The following KCNC1 variants were observed in gnomAD, a reference collection of about 807,000 sequenced individuals.
KCNC1 encodes the protein voltage-gated potassium channel KCNC1.
In KCNC1, 8 loss-of-function variants were observed where a neutral mutation model predicts 43.4. The ratio of observed to expected loss-of-function variants is 0.18; its 90% CI spans 0.11 to 0.33. KCNC1 has a LOEUF of 0.33. Ranked by LOEUF, KCNC1 falls within the 10% of genes least tolerant of loss-of-function variation. The pLI, the probability that KCNC1 is intolerant of heterozygous loss-of-function variation, is 1.00. For missense variants in KCNC1, 420 were observed against 836.0 expected (o/e 0.50, Z 6.14); for synonymous variants, 361 against 360.5 (o/e 1.00, Z -0.01).
chr11:17,742,332 G>T lies in KCNC1; in HGVS notation c.570+5760G>T, dbSNP rs573323154. 1.3e-5 allele frequency among the ~76,000 whole-genome samples: 2 copies of T among 152,176 alleles called. No individual in the cohort carries two copies. The highest frequency in any genetic ancestry group is 6.5e-5 in the Admixed American group (1 of 15,282). On this transcript the variant is annotated intron_variant, in intron 1 of 3. Coordinates refer to ENST00000265969, the MANE Select transcript of KCNC1 (RefSeq NM_001112741.2). This position sits in a 1 kb window ranked among gnomAD's most constrained non-coding sequence, Gnocchi z 4.2. ...GGGAGGTGGTGGTTGTCTCAGAGGT[G>T]GGGGAGGGGGTTCAGTGGGGGCTCA...
rs111919033 is a variant in KCNC1, at chr11:17,764,828, C to G, written c.571-6837C>G. ...CGGCCCAGCACACTGTGAGCATTCCCGGCCCGCGGAAGTCCAGATGAGGCT... is the reference window on the plus strand; with the variant it reads ...CGGCCCAGCACACTGTGAGCATTCCGGGCCCGCGGAAGTCCAGATGAGGCT... On this transcript the variant is annotated intron_variant, in intron 1 of 3. Transcript: ENST00000265969. Among the ~76,000 whole-genome samples the G allele has an allele frequency of 2.9e-3, 436 of 152,314 alleles. 2 individuals are homozygous for G. The highest frequency in any genetic ancestry group is 0.018 in the East Asian group (93 of 5,176).
Position 17,773,230 on chromosome 11 carries a change from A to T in KCNC1, c.1504+632A>T. The T allele has an allele frequency of 5.1e-6, 5 of 985,892 alleles. No homozygotes were observed. Among genetic ancestry groups the T allele is most frequent in the Non-Finnish European group, 6.0e-6 (5 of 830,356 alleles). 61.1% of individuals were successfully genotyped at this position (985,892 alleles called of 1,614,324 possible). ...GCCTGTAGCCCTCCGTGACAAGCTTACTTACCCCATAGCATGCTGAACCAA... is the reference window on the plus strand; with the variant it reads ...GCCTGTAGCCCTCCGTGACAAGCTTTCTTACCCCATAGCATGCTGAACCAA... On this transcript the variant is annotated intron_variant, in intron 2 of 3. Transcript: ENST00000265969. This position sits in a 1 kb window ranked among gnomAD's most constrained non-coding sequence, Gnocchi z 4.1.
intron 1 of KCNC1, among the ~76,000 whole-genome samples, chr11:17,740,857 G>A (rs1475758969): frequency 1.3e-5 from 2 of 152,108 alleles, no homozygotes; most frequent in Non-Finnish European, 2.9e-5. Context: ...TCAGCTCCCA[G>A]GGAAGGAAAT....
chr11:17,743,991 AG>A (rs1272413666), intron 1 of KCNC1, among the ~76,000 whole-genome samples: 2 of 152,088 alleles, frequency 1.3e-5, no homozygotes, highest in East Asian at 3.9e-4. Context: ...GGCTGGGGAC[AG>A]GCGGGCCCTC....
intron 1 of KCNC1, among the ~76,000 whole-genome samples, chr11:17,756,444 G>A (rs1755638504): frequency 6.6e-6 from 1 of 151,858 alleles, no homozygotes; most frequent in Admixed American, 6.6e-5. Flanking sequence ...GAGGGACACA[G>A]GTGGGCAGTC....
Position 17,772,500 on chromosome 11 carries a change from C to T in KCNC1, c.1406C>T (p.Pro469Leu). The change falls in exon 2 of 4, where the codon CCC becomes CTC. Residue 469 changes from proline (P) to leucine (L), a missense_variant. Around this residue, in one of 5 missense-constraint regions of KCNC1, gnomAD observed 147 missense variants for 176.1 expected, o/e 0.83. Transcript: ENST00000265969. ...HIPRPPQLGS[P>L]NYCKSVVNSP... ...CCGCGGCCACCGCAGCTGGGATCTC[C>T]CAATTATTGTAAATCTGTCGTAAAC... is the stretch of plus-strand genomic sequence containing the variant. 6.2e-7 allele frequency: 1 copy of T among 1,614,210 alleles called. No homozygotes were observed. Among genetic ancestry groups the T allele is most frequent in the African/African-American group, 1.3e-5 (1 of 75,040 alleles).
chr11:17,739,273 T>C lies in KCNC1; in HGVS notation c.570+2701T>C, dbSNP rs1028446316. On this transcript the variant is annotated intron_variant, in intron 1 of 3. Transcript: ENST00000265969. The surrounding 1 kb of genome is among the most constrained non-coding windows in gnomAD (Gnocchi z 4.2). ...TTGCATATGTGTGTGAAGGAAAGGC[T>C]GTATGTGTGAGACAGAGGCTCTTTG... 6.6e-6 allele frequency among the ~76,000 whole-genome samples: 1 copy of C among 152,182 alleles called. No homozygotes were observed. The highest frequency in any genetic ancestry group is 6.5e-5 in the Admixed American group (1 of 15,276).
In KCNC1 at chr11:17,779,515, A is replaced by C; in HGVS notation, c.1564A>C (p.Ile522Leu). ...AALANEDCPH[I>L]DQALTPDEGL... ...GCTGGCGAACGAAGACTGCCCCCAC[A>C]TAGACCAGGCCCTCACTCCCGATGA... Residue 522 changes from isoleucine to leucine, a missense_variant, in exon 3 of 4, where the codon ATA (isoleucine) becomes CTA (leucine). By Grantham distance (5) the Ile-to-Leu change is conservative. Coordinates refer to ENST00000265969, the MANE Select transcript of KCNC1 (RefSeq NM_001112741.2). The surrounding 1 kb of genome is among the most constrained non-coding windows in gnomAD (Gnocchi z 7.2). 1 of 1,551,358 alleles carries C rather than the reference A, an allele frequency of 6.4e-7. No individual in the cohort carries two copies. The highest frequency in any genetic ancestry group is 8.7e-7 in the Non-Finnish European group (1 of 1,146,894).
chr11:17,766,967 CAA>C (rs33931057), intron 1 of KCNC1, among the ~76,000 whole-genome samples: 12 of 133,246 alleles, frequency 9.0e-5, no homozygotes, highest in African/African-American at 2.8e-4. Flanking sequence ...TAAAAAATAC[CAA>C]AAAAAAAAAA....
intron 1 of KCNC1, among the ~76,000 whole-genome samples, chr11:17,761,475 A>G (rs1052270407): frequency 2.2e-4 from 33 of 152,340 alleles, no homozygotes; most frequent in African/African-American, 6.3e-4. Flanking sequence ...GGGAAGTCCT[A>G]GGCACCTGGC....
At chr11:17,752,245 C>T (rs1307181512) in intron 1 of KCNC1, among the ~76,000 whole-genome samples, 1 of 152,166 alleles carries the variant, frequency 6.6e-6, no homozygotes, top group Non-Finnish European at 1.5e-5. Context: ...GCACAAGGCA[C>T]AGCACTGTGA....
At chr11:17,774,061 G>A (rs891986651) in intron 2 of KCNC1, 82 of 985,382 alleles carry the variant, frequency 8.3e-5, no homozygotes, top group Non-Finnish European at 5.1e-5. Flanking sequence ...GCTGGCCCGA[G>A]CACTACCCTC....
Position 17,779,707 on chromosome 11 carries a change from T to G in KCNC1, c.1693+63T>G. The G allele has an allele frequency of 7.5e-7, 1 of 1,331,378 alleles. No homozygotes were observed. 82.5% of individuals were successfully genotyped at this position (1,331,378 alleles called of 1,614,324 possible). A position where few individuals can be genotyped will look rare whatever the true frequency, so the allele number is the denominator to read the frequency against. ...GCCGCCTCGCGCTCCTGCAGATGGG[T>G]GGGCAGGGCGGCGGGCAAGGGCGCT... On this transcript the variant is annotated intron_variant, in intron 3 of 3. Coordinates refer to ENST00000265969, the MANE Select transcript of KCNC1 (RefSeq NM_001112741.2). This position sits in a 1 kb window ranked among gnomAD's most constrained non-coding sequence, Gnocchi z 7.2.
chr11:17,743,897 G>A (rs1022446156), intron 1 of KCNC1, among the ~76,000 whole-genome samples: 3 of 152,202 alleles, frequency 2.0e-5, no homozygotes, highest in Non-Finnish European at 2.9e-5. Flanking sequence ...ATGTTTTTGG[G>A]AGTGAGGGGT....
At chr11:17,750,460 C>T (rs535159087) in intron 1 of KCNC1, among the ~76,000 whole-genome samples, 2 of 152,268 alleles carry the variant, frequency 1.3e-5, no homozygotes, top group African/African-American at 2.4e-5. Context: ...TCGTGTCTCC[C>T]GAGGCCTGGC....
Position 17,774,602 on chromosome 11 carries a change from C to A in KCNC1, c.1504+2004C>A, listed in dbSNP as rs944387228. 2.4e-5 allele frequency: 24 copies of A among 985,462 alleles called. 1 individual carries two copies. The South Asian group carries it at 9.4e-4, about 39-fold the overall frequency. The allele number at this position is 985,462 out of a possible 1,614,324, so 61.0% of individuals were successfully genotyped here. ...ACACAAAACCTGTAAAACCCATGCA[C>A]TCCTGTGGGATTGCCCCTGAGCTCC... On this transcript the variant is annotated intron_variant, in intron 2 of 3. Coordinates refer to ENST00000265969, the MANE Select transcript of KCNC1 (RefSeq NM_001112741.2).
intron 1 of KCNC1, among the ~76,000 whole-genome samples, chr11:17,766,057 G>C (rs1003034621): frequency 6.6e-6 from 1 of 152,230 alleles, no homozygotes; most frequent in African/African-American, 2.4e-5. Flanking sequence ...AGTTACACCT[G>C]GGGTCGGGAG....
chr11:17,771,366 GTCTT>G lies in KCNC1; in HGVS notation c.571-293_571-290del, dbSNP rs1473058165. Among the ~76,000 whole-genome samples, 1 of 152,234 alleles carries G rather than the reference GTCTT, an allele frequency of 6.6e-6. No homozygotes were observed. Among genetic ancestry groups the G allele is most frequent in the Non-Finnish European group, 1.5e-5 (1 of 68,044 alleles). On this transcript the variant is annotated intron_variant, in intron 1 of 3. Transcript: ENST00000265969. The surrounding 1 kb of genome is among the most constrained non-coding windows in gnomAD (Gnocchi z 4.7). ...AGTTCAATGTGGGTATGTGGCTGAT[GTCTT>G]TCTTTTCAGGGACCCAGGCTCCTTC...
intron 1 of KCNC1, among the ~76,000 whole-genome samples, chr11:17,752,633 G>A (rs950766346): frequency 4.6e-5 from 7 of 152,190 alleles, no homozygotes; most frequent in African/African-American, 1.7e-4. Flanking sequence ...CCAGTAGAGT[G>A]GTTAAGTGCA....
Sources: gnomAD v4.1 joint callset for allele counts (sites outside exome capture counted in the v4.1 genomes callset) on GRCh38, gnomAD v4.1.1 for gene constraint, gnomAD v4.1.1 regional missense constraint, Gnocchi (gnomAD v3.1) non-coding constraint, MANE v1.5 for transcripts, NCBI Gene and HGNC (gene_info 2026-07-23, HGNC 2026-07-21) for gene names.